Variants in AFG1L observed in about 807,000 individuals in gnomAD.
AFG1L encodes AFG1-like ATPase.
A neutral mutation model predicts 62.2 loss-of-function variants in AFG1L; 53 were observed. That is an observed-to-expected ratio of 0.85 (90% CI 0.68 to 1.07). The LOEUF (loss-of-function observed/expected upper bound fraction) is 1.07. Among genes scored for constraint, AFG1L ranks in the 50% least tolerant of loss-of-function variants. The probability of loss-of-function intolerance (pLI) is 0.00; values close to 1 mark genes in which losing one functional copy is unlikely to be tolerated. For missense variants in AFG1L, 555 were observed against 590.5 expected (o/e 0.94, Z 0.62); for synonymous variants, 228 against 210.3 (o/e 1.08, Z -0.73).
chr6:108,480,633 A>G (rs1326890300), intron 10 of AFG1L, among the ~76,000 whole-genome samples: 5 of 152,104 alleles, frequency 3.3e-5, no homozygotes, highest in African/African-American at 1.2e-4. Context: ...CCCCGTCTCT[A>G]CTAAAAATAT....
chr6:108,509,747 G>A (rs1774565347), intron 10 of AFG1L, among the ~76,000 whole-genome samples: 1 of 152,052 alleles, frequency 6.6e-6, no homozygotes, highest in Non-Finnish European at 1.5e-5. Context: ...CACTGCCCTT[G>A]GTTTCACCAA....
At chr6:108,429,880 C>T (rs117583584) in intron 7 of AFG1L, among the ~76,000 whole-genome samples, 2,799 of 152,018 alleles carry the variant, frequency 0.018, 93 homozygotes, top group Admixed American at 0.07. Flanking sequence ...TGGTCATTTT[C>T]ACAATATAGA....
At chr6:108,380,641 A>C (rs1010311284) in intron 6 of AFG1L, among the ~76,000 whole-genome samples, 3 of 152,180 alleles carry the variant, frequency 2.0e-5, no homozygotes, top group Non-Finnish European at 4.4e-5. Context: ...TAAAATGCCC[A>C]TACAGCCATG....
chr6:108,301,762 G>A (rs1777010334), intron 1 of AFG1L, among the ~76,000 whole-genome samples: 1 of 152,124 alleles, frequency 6.6e-6, no homozygotes, highest in Admixed American at 6.6e-5. Context: ...TTGGAACCAC[G>A]CTGATGTGGG....
At chr6:108,415,360 TA>T (rs1770199132) in intron 7 of AFG1L, among the ~76,000 whole-genome samples, 1 of 93,250 alleles carries the variant, frequency 1.1e-5, no homozygotes, top group Non-Finnish European at 1.9e-5. Context: ...AGGTAATTTA[TA>T]GATTCAATGC....
At chr6:108,373,093 A>G (rs1780084121) in intron 6 of AFG1L, among the ~76,000 whole-genome samples, 1 of 152,030 alleles carries the variant, frequency 6.6e-6, no homozygotes, top group Admixed American at 6.5e-5. Context: ...TTACCTATAT[A>G]TATTGCATGA....
At chr6:108,400,723 TTA>T (rs1318427093) in intron 6 of AFG1L, among the ~76,000 whole-genome samples, 3 of 124,522 alleles carry the variant, frequency 2.4e-5, no homozygotes, top group South Asian at 4.4e-4. Context: ...TTAATATATA[TTA>T]TATATAATAT....
chr6:108,441,125 AT>A, intron 7 of AFG1L, among the ~76,000 whole-genome samples: 1 of 152,198 alleles, frequency 6.6e-6, no homozygotes, highest in African/African-American at 2.4e-5. Flanking sequence ...TTAGTATGTT[AT>A]AGTTTTAAAA....
intron 3 of AFG1L, among the ~76,000 whole-genome samples, chr6:108,348,725 A>G (rs1778964084): frequency 6.6e-6 from 1 of 152,200 alleles, no homozygotes; most frequent in African/African-American, 2.4e-5. Context: ...GGCACCATTA[A>G]TGATTCTCAT....
At chr6:108,323,265 T>C (rs1168931948) in intron 1 of AFG1L, among the ~76,000 whole-genome samples, 1 of 152,242 alleles carries the variant, frequency 6.6e-6, no homozygotes, top group Non-Finnish European at 1.5e-5. Flanking sequence ...GAAGCTGTAG[T>C]AGGAATAGGC....
chr6:108,412,991 A>C (rs1187879577), intron 7 of AFG1L, among the ~76,000 whole-genome samples: 1 of 152,152 alleles, frequency 6.6e-6, no homozygotes, highest in Non-Finnish European at 1.5e-5. Flanking sequence ...AAGATTCAAG[A>C]CCCATCAGTG....
At chr6:108,453,411 A>C (rs1772133685) in intron 8 of AFG1L, among the ~76,000 whole-genome samples, 1 of 152,212 alleles carries the variant, frequency 6.6e-6, no homozygotes, top group Non-Finnish European at 1.5e-5. Context: ...CCACTTGGGA[A>C]ATATCTATTC....
intron 12 of AFG1L, 178 bp downstream of exon 12, chr6:108,519,988 T>C: frequency 2.3e-6 from 1 of 430,426 alleles, no homozygotes; most frequent in Non-Finnish European, 4.2e-6. Flanking sequence ...TAGAAAATTA[T>C]AAACTTACAG....
chr6:108,464,910 GC>G (rs1772606261), intron 8 of AFG1L, among the ~76,000 whole-genome samples: 1 of 152,186 alleles, frequency 6.6e-6, no homozygotes, highest in South Asian at 2.1e-4. Context: ...CTGCACAAAG[GC>G]CTACTTTATA....
At chr6:108,424,385 C>T (rs1770725875) in intron 7 of AFG1L, among the ~76,000 whole-genome samples, 1 of 151,998 alleles carries the variant, frequency 6.6e-6, no homozygotes, top group African/African-American at 2.4e-5. Flanking sequence ...CTTAGGCTAC[C>T]TAGTCTACAA....
chr6:108,329,938 G>A (rs1481294131), intron 2 of AFG1L, among the ~76,000 whole-genome samples: 1 of 152,118 alleles, frequency 6.6e-6, no homozygotes, highest in Non-Finnish European at 1.5e-5. Context: ...TGTCATGAAT[G>A]GATTAGTCCA....
chr6:108,505,079 A>ATTTTTTTTTTTTTTTTTTTT (rs34326858), intron 10 of AFG1L, among the ~76,000 whole-genome samples: 2 of 142,890 alleles, frequency 1.4e-5, no homozygotes, highest in African/African-American at 2.6e-5. Flanking sequence ...CTGAGCTTGG[A>ATTTTTTTTTTTTTTTTTTTT]TTTTTTTTTT....
chr6:108,400,679 T>C (rs9480850), intron 6 of AFG1L, among the ~76,000 whole-genome samples: 1 of 95,786 alleles, frequency 1.0e-5, no homozygotes, highest in Non-Finnish European at 2.0e-5. Context: ...ATATATTATA[T>C]ATTATATAAT....
intron 6 of AFG1L, among the ~76,000 whole-genome samples, chr6:108,371,599 A>G (rs920659795): frequency 1.3e-5 from 2 of 151,924 alleles, no homozygotes; most frequent in Admixed American, 6.6e-5. Flanking sequence ...TCCTGTGCTG[A>G]AACTATTCTC....
Sources: gnomAD v4.1 joint callset for allele counts (sites outside exome capture counted in the v4.1 genomes callset) on GRCh38, gnomAD v4.1.1 for gene constraint, MANE v1.5 for transcripts, NCBI Gene and HGNC (gene_info 2026-07-23, HGNC 2026-07-21) for gene names.